Variants in SLC26A2 observed in about 807,000 individuals in gnomAD.
The protein encoded by SLC26A2 is sulfate transporter.
In SLC26A2, 36 loss-of-function variants were observed where a neutral mutation model predicts 41.1. The ratio of observed to expected loss-of-function variants is 0.88; its 90% CI spans 0.67 to 1.16. SLC26A2 has a LOEUF of 1.16. SLC26A2 is among the 50% of genes most tolerant of loss of function. The pLI, the probability that SLC26A2 is intolerant of heterozygous loss-of-function variation, is 0.00. For synonymous variants in SLC26A2, 291 were observed against 311.6 expected, an observed-to-expected ratio of 0.93 and a Z score of 0.70; for missense variants, 796 against 869.6, an observed-to-expected ratio of 0.92 and a Z score of 1.07.
Position 149,983,269 on chromosome 5 carries a change from G to A in SLC26A2, c.*1456G>A, listed in dbSNP as rs955987517. ...CTTAGCTTTATTGTTAGCTCCATAA[G>A]CTGCCAGTGTTGCTTTTCTGTTGGT... On this transcript the variant is annotated 3_prime_UTR_variant, in exon 3 of 3. Coordinates refer to ENST00000286298, the MANE Select transcript of SLC26A2 (RefSeq NM_000112.4). The A allele has an allele frequency of 2.0e-5, 3 of 151,946 alleles. No individual in the cohort carries two copies. Among genetic ancestry groups the A allele is most frequent in the African/African-American group, 7.2e-5 (3 of 41,396 alleles). The allele number at this position is 151,946 out of a possible 1,614,324, so 9.4% of individuals were successfully genotyped here.
Position 149,978,044 on chromosome 5 carries a change from T to C in SLC26A2, c.392T>C (p.Leu131Pro). 1 of 1,613,654 alleles carries C rather than the reference T, an allele frequency of 6.2e-7. No homozygotes were observed. ...GTGCCCCAGTCCATTGCTTATTCCC[T>C]GCTGGCTGGCCAAGAACCTGTCTAT... is the stretch of plus-strand genomic sequence containing the variant. ...LLVPQSIAYS[L>P]LAGQEPVYGL... is the part of the protein sequence containing the mutation. Residue 131 changes from leucine to proline, a missense_variant, in exon 2 of 3, where the codon CTG (leucine) becomes CCG (proline). Leu to Pro is a moderately conservative substitution (Grantham distance 98, BLOSUM62 -3). Coordinates refer to ENST00000286298, the MANE Select transcript of SLC26A2 (RefSeq NM_000112.4).
intron 1 of SLC26A2, among the ~76,000 whole-genome samples, chr5:149,970,060 C>T (rs910806844): frequency 1.3e-5 from 2 of 152,162 alleles, no homozygotes; most frequent in Non-Finnish European, 2.9e-5. Flanking sequence ...ACAAGAAAGA[C>T]TGTAAATAAT....
intron 1 of SLC26A2, among the ~76,000 whole-genome samples, chr5:149,974,062 T>C (rs1212385577): frequency 6.6e-6 from 1 of 152,110 alleles, no homozygotes; most frequent in Non-Finnish European, 1.5e-5. Context: ...GGTGGGAGAA[T>C]CACTTGAGCC....
intron 1 of SLC26A2, among the ~76,000 whole-genome samples, chr5:149,976,606 T>A (rs557463768): frequency 1.3e-5 from 2 of 152,384 alleles, no homozygotes; most frequent in East Asian, 3.8e-4. Flanking sequence ...GTTCATTTTC[T>A]TCTCTTACTC....
chr5:149,974,004 C>G (rs1285427050), intron 1 of SLC26A2, among the ~76,000 whole-genome samples: 1 of 152,050 alleles, frequency 6.6e-6, no homozygotes, highest in African/African-American at 2.4e-5. Context: ...AAAAAATGAG[C>G]CAGGCTTGGT....
rs1251621052 is a variant in SLC26A2, at chr5:149,985,486, A to G, written c.*3673A>G. 1 of 152,218 alleles carries G rather than the reference A, an allele frequency of 6.6e-6. No individual in the cohort carries two copies. The allele number at this position is 152,218 out of a possible 1,614,324, so 9.4% of individuals were successfully genotyped here. On this transcript the variant is annotated 3_prime_UTR_variant, in exon 3 of 3. Coordinates refer to ENST00000286298, the MANE Select transcript of SLC26A2 (RefSeq NM_000112.4). ...TTAGACTCTTTTAATGCTAATGGCTAGTACGTTTAAACAAAACAGCAGTTC... is the reference window on the plus strand; with the variant it reads ...TTAGACTCTTTTAATGCTAATGGCTGGTACGTTTAAACAAAACAGCAGTTC...
chr5:149,964,661 C>T (rs967948643), intron 1 of SLC26A2, among the ~76,000 whole-genome samples: 1 of 151,768 alleles, frequency 6.6e-6, no homozygotes, highest in African/African-American at 2.4e-5. Context: ...CCTGTAGTCC[C>T]AGCTACTTGG....
At chr5:149,972,111 A>G (rs964331906) in intron 1 of SLC26A2, among the ~76,000 whole-genome samples, 1 of 152,238 alleles carries the variant, frequency 6.6e-6, no homozygotes, top group Non-Finnish European at 1.5e-5. Context: ...TCAAACCTGA[A>G]CTAGACTTCA....
At position 149,978,330 on chromosome 5, in the gene SLC26A2, C is replaced by T; in HGVS notation, c.678C>T (p.Thr226=). The T allele has an allele frequency of 1.2e-6, 2 of 1,612,728 alleles. No homozygotes were observed. Among genetic ancestry groups the T allele is most frequent in the Non-Finnish European group, 1.7e-6 (2 of 1,179,724 alleles). ...CAATTATGGTTGGCAGCACTGTAACCTTTATAGCTGGAGTTTATCAGGTAA... is the reference window on the plus strand; with the variant it reads ...CAATTATGGTTGGCAGCACTGTAACTTTTATAGCTGGAGTTTATCAGGTAA... The part of the protein sequence containing the change: ...CYAIMVGSTV[T]FIAGVYQVAM... Residue 226 remains threonine (T), a synonymous_variant, in exon 2 of 3, where the codon ACC becomes ACT. Coordinates refer to ENST00000286298, the MANE Select transcript of SLC26A2 (RefSeq NM_000112.4).
Position 149,983,421 on chromosome 5 carries a change from T to G in SLC26A2, c.*1608T>G, listed in dbSNP as rs1387216647. ...TCTTATAGGTGATTATAATCAAGTG[T>G]AGGCTTCCTGAATTTTGACATCCTT... On this transcript the variant is annotated 3_prime_UTR_variant, in exon 3 of 3. Transcript: ENST00000286298. The G allele has an allele frequency of 2.0e-5, 3 of 152,178 alleles. No homozygotes were observed. The highest frequency in any genetic ancestry group is 7.2e-5 in the African/African-American group (3 of 41,434). The allele number at this position is 152,178 out of a possible 1,614,324, so 9.4% of individuals were successfully genotyped here. A position where few individuals can be genotyped will look rare whatever the true frequency, so the allele number is the denominator to read the frequency against.
intron 1 of SLC26A2, among the ~76,000 whole-genome samples, chr5:149,966,901 G>A (rs922672842): frequency 1.3e-5 from 2 of 152,216 alleles, no homozygotes; most frequent in African/African-American, 2.4e-5. Flanking sequence ...AAAGTTGTGT[G>A]TGTCTGGGGA....
intron 1 of SLC26A2, among the ~76,000 whole-genome samples, chr5:149,964,137 G>A (rs1754763273): frequency 6.6e-6 from 1 of 152,168 alleles, no homozygotes; most frequent in Non-Finnish European, 1.5e-5. Flanking sequence ...ATATCCAAAT[G>A]GTTGACCTCA....
At chr5:149,975,899 T>TCCGCCTCCCAG in intron 1 of SLC26A2, among the ~76,000 whole-genome samples, 1 of 152,258 alleles carries the variant, frequency 6.6e-6, no homozygotes, top group Non-Finnish European at 1.5e-5. Context: ...GGCTCGTGCC[T>TCCGCCTCCCAG]GTTATCCCAG....
At chr5:149,976,066 G>A (rs1408132036) in intron 1 of SLC26A2, among the ~76,000 whole-genome samples, 1 of 151,464 alleles carries the variant, frequency 6.6e-6, no homozygotes, top group African/African-American at 2.4e-5. Flanking sequence ...GCTGAGATAA[G>A]AGAATTGCTT....
chr5:149,965,137 CA>C (rs1376966808), intron 1 of SLC26A2, among the ~76,000 whole-genome samples: 1 of 152,166 alleles, frequency 6.6e-6, no homozygotes, highest in Non-Finnish European at 1.5e-5. Context: ...AATCAAGCGA[CA>C]GTATACGTTT....
intron 1 of SLC26A2, among the ~76,000 whole-genome samples, chr5:149,976,641 G>A (rs549696164): frequency 2.0e-5 from 3 of 152,136 alleles, no homozygotes; most frequent in Non-Finnish European, 4.4e-5. Flanking sequence ...ACTATTTGTT[G>A]TTGTCCTTTC....
chr5:149,963,685 G>A (rs1754753644), intron 1 of SLC26A2, among the ~76,000 whole-genome samples: 1 of 150,160 alleles, frequency 6.7e-6, no homozygotes, highest in Non-Finnish European at 1.5e-5. Context: ...AAAGTGCTAG[G>A]ATTACAGGCA....
chr5:149,986,607 T>C lies in SLC26A2; in HGVS notation c.*4794T>C, dbSNP rs999577291. On this transcript the variant is annotated 3_prime_UTR_variant, in exon 3 of 3. Coordinates refer to ENST00000286298, the MANE Select transcript of SLC26A2 (RefSeq NM_000112.4). ...GTTAAGTACAGTTAAAAAGTAAGCA[T>C]TGTAGTAAATAGTGGATTCTCTGGT... 6.6e-6 allele frequency: 1 copy of C among 152,172 alleles called. No homozygotes were observed. The highest frequency in any genetic ancestry group is 2.4e-5 in the African/African-American group (1 of 41,428). The allele number at this position is 152,172 out of a possible 1,614,324, so 9.4% of individuals were successfully genotyped here. A position where few individuals can be genotyped will look rare whatever the true frequency, so the allele number is the denominator to read the frequency against.
intron 1 of SLC26A2, among the ~76,000 whole-genome samples, chr5:149,969,218 A>G (rs1754859184): frequency 6.6e-6 from 1 of 152,246 alleles, no homozygotes; most frequent in Non-Finnish European, 1.5e-5. Context: ...GATAGTACAC[A>G]AAAAGTGTAG....
Sources: gnomAD v4.1 joint callset for allele counts (sites outside exome capture counted in the v4.1 genomes callset) on GRCh38, gnomAD v4.1.1 for gene constraint, MANE v1.5 for transcripts, NCBI Gene and HGNC (gene_info 2026-07-23, HGNC 2026-07-21) for gene names.